Variants in WDR37 observed in about 807,000 individuals in gnomAD.
WDR37 encodes the protein WD repeat domain 37.
In WDR37, 19 loss-of-function variants were observed where a neutral mutation model predicts 62.9. That is an observed-to-expected ratio of 0.30 (90% CI 0.21 to 0.44). The LOEUF is 0.44. Ranked by LOEUF, WDR37 falls within the 20% of genes least tolerant of loss-of-function variation. WDR37 has a pLI of 1.00. For missense variants in WDR37, 474 were observed against 657.6 expected, an observed-to-expected ratio of 0.72 and a Z score of 3.05; for synonymous variants, 250 against 260.9, an observed-to-expected ratio of 0.96 and a Z score of 0.40.
chr10:1,063,980 T>G (rs116706258), intron 1 of WDR37, among the ~76,000 whole-genome samples: 2,082 of 152,294 alleles, frequency 0.014, 52 homozygotes, highest in African/African-American at 0.047. Context: ...AGACCACTGA[T>G]GCCAACGTAG....
At chr10:1,086,393 C>T (rs770666937) in intron 7 of WDR37, 36 bp downstream of exon 7, 65 of 1,551,660 alleles carry the variant, frequency 4.2e-5, no homozygotes, top group Non-Finnish European at 5.3e-5. Flanking sequence ...AGCCAGAGGC[C>T]GTTGCCTTCT....
rs1308167008 is a variant in WDR37 at position 1,069,475 on chromosome 10, G to GA, written c.-40-2635dup. 6.1e-5 allele frequency among the ~76,000 whole-genome samples: 9 copies of GA among 147,764 alleles called. No homozygotes were observed. In the East Asian group the frequency reaches 1.8e-3, roughly 29 times the overall value. ...GTGGACACTAGCTAGTAATAAAAAG[G>GA]AAAAAACTGTTGATACATGCAGAAA... On this transcript the variant is annotated intron_variant, in intron 1 of 13. Coordinates refer to ENST00000263150, the MANE Select transcript of WDR37 (RefSeq NM_014023.4).
chr10:1,077,889 C>T lies in WDR37; in HGVS notation c.139-18C>T, dbSNP rs927611874. ...TTTTCATTCATTCATTCATTTTAAA[C>T]AAAGTCTTCTTCTGCAGGATTCTAA... On this transcript the variant is annotated intron_variant, in intron 2 of 13. Transcript: ENST00000263150. 1.9e-6 allele frequency: 3 copies of T among 1,588,752 alleles called. No individual in the cohort carries two copies. Among genetic ancestry groups the T allele is most frequent in the Non-Finnish European group, 2.6e-6 (3 of 1,164,930 alleles).
intron 9 of WDR37, among the ~76,000 whole-genome samples, chr10:1,099,762 C>T (rs571515268): frequency 1.2e-3 from 161 of 134,784 alleles, no homozygotes; most frequent in African/African-American, 3.6e-3. Context: ...GATGGTGTGG[C>T]GGAGACGTGA....
chr10:1,093,625 G>A (rs1009070219), intron 8 of WDR37, 129 bp downstream of exon 8: 2 of 783,406 alleles, frequency 2.6e-6, no homozygotes, highest in African/African-American at 3.5e-5. Flanking sequence ...GACATTTTAT[G>A]AATTAAATGA....
intron 9 of WDR37, chr10:1,096,691 C>T (rs536176201): frequency 3.1e-4 from 53 of 170,760 alleles, no homozygotes; most frequent in South Asian, 8.6e-4. Context: ...ATTTCAGTAC[C>T]GCGCGCAGAG....
chr10:1,122,924 T>A (rs1349152163), intron 11 of WDR37, among the ~76,000 whole-genome samples: 1 of 152,252 alleles, frequency 6.6e-6, no homozygotes, highest in East Asian at 1.9e-4. Flanking sequence ...TTACCACGGG[T>A]AAGACTATTT....
intron 1 of WDR37, among the ~76,000 whole-genome samples, chr10:1,061,401 C>T (rs7093915): frequency 0.1 from 15,455 of 152,194 alleles, 913 homozygotes; most frequent in African/African-American, 0.17. Context: ...TATGCTACGC[C>T]GGTTGAGCAT....
chr10:1,077,863 T>G, intron 2 of WDR37, 44 bp from the exon 3 acceptor site: 1 of 1,442,806 alleles, frequency 6.9e-7, no homozygotes, highest in Non-Finnish European at 9.6e-7. Context: ...GTACTTAGAG[T>G]TTTTCATTCA....
chr10:1,067,371 C>T (rs562819829), intron 1 of WDR37, among the ~76,000 whole-genome samples: 1 of 152,214 alleles, frequency 6.6e-6, no homozygotes, highest in South Asian at 2.1e-4. Flanking sequence ...AAATGTTTGG[C>T]CCCTAGGGAT....
chr10:1,098,888 C>T (rs1589106082), intron 9 of WDR37, among the ~76,000 whole-genome samples: 1 of 152,346 alleles, frequency 6.6e-6, no homozygotes, highest in South Asian at 2.1e-4. Flanking sequence ...CTCCATCCTT[C>T]CTTTCAACAG....
At chr10:1,059,345 C>T (rs1833301180) in intron 1 of WDR37, among the ~76,000 whole-genome samples, 1 of 152,184 alleles carries the variant, frequency 6.6e-6, no homozygotes, top group African/African-American at 2.4e-5. Flanking sequence ...CACTGCCCTC[C>T]AGCCTGGGGA....
At chr10:1,063,816 G>A (rs974956421) in intron 1 of WDR37, among the ~76,000 whole-genome samples, 9 of 152,114 alleles carry the variant, frequency 5.9e-5, no homozygotes, top group Admixed American at 2.6e-4. Flanking sequence ...GCAGGGGTCC[G>A]TGGAGGCTGA....
chr10:1,062,725 A>G (rs1178004375), intron 1 of WDR37, among the ~76,000 whole-genome samples: 1 of 152,244 alleles, frequency 6.6e-6, no homozygotes, highest in Non-Finnish European at 1.5e-5. Flanking sequence ...GCTTGCGGAA[A>G]GATGGAGACT....
chr10:1,091,909 G>C (rs1043870983), intron 7 of WDR37, among the ~76,000 whole-genome samples: 2 of 152,132 alleles, frequency 1.3e-5, no homozygotes, highest in African/African-American at 4.8e-5. Context: ...GGCCGGGCGC[G>C]GTGGCTCACG....
chr10:1,126,115 G>A (rs1248748973), intron 13 of WDR37, among the ~76,000 whole-genome samples: 1 of 152,164 alleles, frequency 6.6e-6, no homozygotes, highest in East Asian at 1.9e-4. Flanking sequence ...GAAACTCCCC[G>A]GGGTCAGTGG....
Position 1,129,588 on chromosome 10 carries a change from C to T in WDR37, c.*244C>T, listed in dbSNP as rs1835911793. 2.3e-6 allele frequency: 1 copy of T among 435,572 alleles called. No homozygotes were observed. Among genetic ancestry groups the T allele is most frequent in the East Asian group, 4.3e-5 (1 of 23,354 alleles). 27.0% of individuals were successfully genotyped at this position (435,572 alleles called of 1,614,324 possible). A position where few individuals can be genotyped will look rare whatever the true frequency, so the allele number is the denominator to read the frequency against. On this transcript the variant is annotated 3_prime_UTR_variant, in exon 14 of 14. Coordinates refer to ENST00000263150, the MANE Select transcript of WDR37 (RefSeq NM_014023.4). ...CTCTGGGCAGTAGAGGCAAAGCTCA[C>T]CTCCCATGTAGCACATGAAATGCTT...
At chr10:1,104,265 C>T (rs1215550289) in intron 10 of WDR37, among the ~76,000 whole-genome samples, 2 of 152,224 alleles carry the variant, frequency 1.3e-5, no homozygotes, top group African/African-American at 2.4e-5. Context: ...CTGCGGTCCT[C>T]TTCCAAGCCT....
At chr10:1,060,788 A>C (rs1345463946) in intron 1 of WDR37, among the ~76,000 whole-genome samples, 1 of 152,228 alleles carries the variant, frequency 6.6e-6, no homozygotes, top group Non-Finnish European at 1.5e-5. Flanking sequence ...ATAAGATTGT[A>C]ATACTCTATT....
Sources: gnomAD v4.1 joint callset for allele counts (sites outside exome capture counted in the v4.1 genomes callset) on GRCh38, gnomAD v4.1.1 for gene constraint, MANE v1.5 for transcripts, NCBI Gene and HGNC (gene_info 2026-07-23, HGNC 2026-07-21) for gene names.